LARGE1: variants seen among roughly 807,000 people sequenced by gnomAD.
LARGE1 encodes LARGE xylosyl- and glucuronyltransferase 1, also known as xylosyl- and glucuronyltransferase LARGE1.
LARGE1 carries 43 observed loss-of-function variants against 87.6 expected under a neutral mutation model. The observed-to-expected ratio is 0.49, with a 90% CI of 0.38 to 0.63. LARGE1 has a LOEUF of 0.63. Among genes scored for constraint, LARGE1 ranks in the 30% least tolerant of loss-of-function variants. The probability of loss-of-function intolerance (pLI) is 0.00; values close to 1 mark genes in which losing one functional copy is unlikely to be tolerated. For synonymous variants in LARGE1, 434 were observed against 394.6 expected (o/e 1.10, Z -1.18); for missense variants, 802 against 1,000.2 (o/e 0.80, Z 2.67).
chr22:33,125,485 TGC>T, the LARGE1 span, among the ~76,000 whole-genome samples: 1 of 151,996 alleles, frequency 6.6e-6, no homozygotes, highest in South Asian at 2.1e-4. Flanking sequence ...TCACTCTTGT[TGC>T]CCAGACTGGA....
In LARGE1 at chr22:33,169,783, G is replaced by A. The variant is rs1371998967; in HGVS notation, c.1731-2951C>T. Among the ~76,000 whole-genome samples the A allele has an allele frequency of 1.1e-4, 17 of 151,988 alleles. No homozygotes were observed. The East Asian group carries it at 1.6e-3, about 14-fold the overall frequency. Reference sequence around the variant, plus strand: ...GGAGAATTGCTTGAACCTGGGAGGCGGAGGTTGCAGTGAGCCAAGATCTTG... The same window carrying A: ...GGAGAATTGCTTGAACCTGGGAGGCAGAGGTTGCAGTGAGCCAAGATCTTG... On this transcript the variant is annotated intron_variant, in intron 11 of 11. Transcript: ENST00000608642.
chr22:33,379,748 A>G (rs2065100515), intron 9 of LARGE1, among the ~76,000 whole-genome samples: 1 of 152,124 alleles, frequency 6.6e-6, no homozygotes, highest in Non-Finnish European at 1.5e-5. Context: ...GTGGGAATTG[A>G]TCAGTGGGGA....
intron 2 of LARGE1, among the ~76,000 whole-genome samples, chr22:33,674,882 G>A (rs1031872570): frequency 6.6e-6 from 1 of 152,014 alleles, no homozygotes; most frequent in African/African-American, 2.4e-5. Flanking sequence ...TCTCTCTTCT[G>A]CTGAGTGCAG....
intron 1 of LARGE1, among the ~76,000 whole-genome samples, chr22:33,849,548 GT>G: frequency 6.8e-6 from 1 of 147,778 alleles, no homozygotes; most frequent in African/African-American, 2.5e-5. Context: ...CAGGCTATGA[GT>G]TTTCAACATA....
intron 3 of LARGE1, among the ~76,000 whole-genome samples, chr22:33,626,942 G>T (rs114547075): frequency 1.8e-3 from 267 of 152,340 alleles, no homozygotes; most frequent in African/African-American, 6.2e-3. Flanking sequence ...CCCTGGGAGT[G>T]CTGCAGGGTC....
chr22:33,265,847 T>C (rs532779926), intron 11 of LARGE1, among the ~76,000 whole-genome samples: 1 of 152,308 alleles, frequency 6.6e-6, no homozygotes, highest in African/African-American at 2.4e-5. Flanking sequence ...GTGTTATGTG[T>C]GGTCCTCTGT....
intron 6 of LARGE1, among the ~76,000 whole-genome samples, chr22:33,515,412 C>T (rs374684463): frequency 2.6e-4 from 39 of 152,272 alleles, no homozygotes; most frequent in African/African-American, 6.3e-4. Flanking sequence ...AGGTAAACTC[C>T]GGAGGGTCTG....
Position 33,730,999 on chromosome 22 carries a change from A to AT in LARGE1, c.106+30371dup, listed in dbSNP as rs376692050. Reference sequence around the variant, plus strand: ...CGTGAACCACTGCGCCCAGCCTGCAATTTTTTTTTTTTTTTTTTTTTGAGA... The same window carrying AT: ...CGTGAACCACTGCGCCCAGCCTGCAATTTTTTTTTTTTTTTTTTTTTTGAGA... On this transcript the variant is annotated intron_variant, in intron 2 of 14. Coordinates refer to ENST00000397394, the MANE Select transcript of LARGE1 (RefSeq NM_133642.5). Among the ~76,000 whole-genome samples, 915 of 115,900 alleles carry AT rather than the reference A, an allele frequency of 7.9e-3. 7 individuals carry two copies. The highest frequency in any genetic ancestry group is 0.037 in the East Asian group (138 of 3,774). 76.0% of individuals were successfully genotyped at this position (115,900 alleles called of 152,430 possible).
chr22:33,504,955 A>C (rs150826567), intron 6 of LARGE1, among the ~76,000 whole-genome samples: 39 of 152,348 alleles, frequency 2.6e-4, no homozygotes, highest in Admixed American at 3.9e-4. Flanking sequence ...TGGATACAGC[A>C]ACAGGGCAAA....
At chr22:33,885,928 G>C (rs2064831404) in intron 1 of LARGE1, among the ~76,000 whole-genome samples, 1 of 152,164 alleles carries the variant, frequency 6.6e-6, no homozygotes, top group African/African-American at 2.4e-5. Flanking sequence ...TACTGGGGAG[G>C]CTAGGGTATG....
intron 1 of LARGE1, among the ~76,000 whole-genome samples, chr22:33,831,100 C>CTTTTTTT (rs5845117): frequency 7.3e-6 from 1 of 137,194 alleles, no homozygotes; most frequent in Non-Finnish European, 1.5e-5. Context: ...TTTCTTTTTT[C>CTTTTTTT]TTTTTTTTTT....
chr22:33,817,240 G>A (rs1339901657), intron 1 of LARGE1, among the ~76,000 whole-genome samples: 2 of 152,094 alleles, frequency 1.3e-5, no homozygotes, highest in African/African-American at 4.8e-5. Flanking sequence ...CCCCTTTGAA[G>A]GCACACATTT....
intron 1 of LARGE1, among the ~76,000 whole-genome samples, chr22:33,864,608 T>A (rs2064031026): frequency 6.6e-6 from 1 of 152,154 alleles, no homozygotes; most frequent in Admixed American, 6.5e-5. Context: ...CTATCCCCAG[T>A]ACCATGCATA....
chr22:33,388,168 T>C (rs1601666578), intron 7 of LARGE1, among the ~76,000 whole-genome samples: 2 of 152,256 alleles, frequency 1.3e-5, no homozygotes, highest in African/African-American at 4.8e-5. Flanking sequence ...AATCACATCA[T>C]CCATTTTATA....
intron 2 of LARGE1, among the ~76,000 whole-genome samples, chr22:33,686,417 C>T (rs1411027030): frequency 6.6e-6 from 1 of 151,952 alleles, no homozygotes; most frequent in Non-Finnish European, 1.5e-5. Context: ...GTGGTGCGTG[C>T]CTGTAATCCC....
chr22:33,291,707 AAG>A (rs1932608742), intron 12 of LARGE1, among the ~76,000 whole-genome samples: 1 of 150,394 alleles, frequency 6.6e-6, no homozygotes. Context: ...AAAGCTTGAC[AAG>A]AGAGAGTTTG....
At chr22:33,545,191 G>A (rs1295481042) in intron 6 of LARGE1, among the ~76,000 whole-genome samples, 1 of 151,776 alleles carries the variant, frequency 6.6e-6, no homozygotes, top group East Asian at 1.9e-4. Flanking sequence ...TCTGCAAACT[G>A]GGAAAGTAGG....
At chr22:33,884,597 C>T (rs552033194) in intron 1 of LARGE1, among the ~76,000 whole-genome samples, 1 of 152,354 alleles carries the variant, frequency 6.6e-6, no homozygotes, top group East Asian at 1.9e-4. Flanking sequence ...CCTGAAAGGC[C>T]AGATGCCACC....
chr22:33,903,204 T>TA (rs1252108709), intron 1 of LARGE1, among the ~76,000 whole-genome samples: 1 of 152,150 alleles, frequency 6.6e-6, no homozygotes, highest in Non-Finnish European at 1.5e-5. Context: ...ACTGATGTCC[T>TA]AATAACAGGA....
Sources: gnomAD v4.1 joint callset for allele counts (sites outside exome capture counted in the v4.1 genomes callset) on GRCh38, gnomAD v4.1.1 for gene constraint, MANE v1.5 for transcripts, NCBI Gene and HGNC (gene_info 2026-07-23, HGNC 2026-07-21) for gene names.